The following ERBB4 variants were observed in gnomAD, a reference collection of about 807,000 sequenced individuals.
ERBB4 encodes receptor tyrosine-protein kinase erbB-4.
A neutral mutation model predicts 158.0 loss-of-function variants in ERBB4; 42 were observed. That is an observed-to-expected ratio of 0.27 (90% confidence interval 0.21 to 0.34). ERBB4 has a LOEUF of 0.34. Ranked by LOEUF, ERBB4 falls within the 10% of genes least tolerant of loss-of-function variation. ERBB4 has a pLI of 1.00. For missense variants in ERBB4, 1,333 were observed against 1,624.1 expected (o/e 0.82, Z 3.08); for synonymous variants, 583 against 558.7 (o/e 1.04, Z -0.61).
intron 17 of ERBB4, among the ~76,000 whole-genome samples, chr2:211,625,230 CA>C (rs2069796599): frequency 6.6e-6 from 1 of 152,098 alleles, no homozygotes; most frequent in Non-Finnish European, 1.5e-5. Context: ...CTAAACTTTA[CA>C]AATAGTCTCT....
At chr2:212,327,671 C>T (rs1051014661) in intron 1 of ERBB4, among the ~76,000 whole-genome samples, 3 of 149,622 alleles carry the variant, frequency 2.0e-5, no homozygotes, top group Non-Finnish European at 4.4e-5. Flanking sequence ...CACAAGGGAT[C>T]TGTTTTGGGA....
chr2:211,591,497 T>C (rs958903661), intron 19 of ERBB4, among the ~76,000 whole-genome samples: 2 of 152,238 alleles, frequency 1.3e-5, no homozygotes, highest in East Asian at 3.9e-4. Context: ...AGTCACTTGA[T>C]CATTGACAGA....
chr2:211,435,254 G>A (rs6727581), intron 20 of ERBB4, among the ~76,000 whole-genome samples: 140,466 of 152,238 alleles, frequency 0.92, 64,861 homozygotes, highest in Middle Eastern at 0.96. Context: ...AGCAGTTCCC[G>A]TATCCACGTC....
At chr2:212,467,372 T>C (rs1688891849) in intron 1 of ERBB4, among the ~76,000 whole-genome samples, 1 of 152,178 alleles carries the variant, frequency 6.6e-6, no homozygotes, top group Admixed American at 6.5e-5. Flanking sequence ...AGTGGTTTCA[T>C]GGGCCAGGCC....
chr2:212,429,649 G>A (rs1484552105), intron 1 of ERBB4, among the ~76,000 whole-genome samples: 1 of 151,604 alleles, frequency 6.6e-6, no homozygotes, highest in African/African-American at 2.4e-5. Flanking sequence ...ATTCTTTTTT[G>A]ACAAAATAAG....
chr2:212,115,035 A>T (rs1456781022), intron 2 of ERBB4, among the ~76,000 whole-genome samples: 1 of 152,176 alleles, frequency 6.6e-6, no homozygotes, highest in East Asian at 1.9e-4. Context: ...TTACTTTAAC[A>T]TTCAATTACA....
At chr2:211,828,379 T>C (rs959815739) in intron 3 of ERBB4, among the ~76,000 whole-genome samples, 23 of 152,080 alleles carry the variant, frequency 1.5e-4, no homozygotes, top group African/African-American at 4.6e-4. Flanking sequence ...ATAAGGAAAG[T>C]AGAACAAGCT....
intron 2 of ERBB4, among the ~76,000 whole-genome samples, chr2:212,046,809 A>G (rs1416070999): frequency 6.6e-6 from 1 of 152,172 alleles, no homozygotes. Flanking sequence ...GCTGGTTGTC[A>G]TGGTAAGCTG....
intron 19 of ERBB4, among the ~76,000 whole-genome samples, chr2:211,617,903 T>C (rs1372008513): frequency 6.6e-6 from 1 of 152,066 alleles, no homozygotes; most frequent in African/African-American, 2.4e-5. Context: ...AGAACATATA[T>C]GGTCTTTGAT....
At chr2:212,224,401 C>T (rs1028262728) in intron 1 of ERBB4, among the ~76,000 whole-genome samples, 4 of 151,714 alleles carry the variant, frequency 2.6e-5, no homozygotes, top group Non-Finnish European at 5.9e-5. Context: ...ATGAAAAAAG[C>T]TATATTATAT....
intron 1 of ERBB4, among the ~76,000 whole-genome samples, chr2:212,533,488 G>A (rs1043947854): frequency 1.3e-5 from 2 of 152,172 alleles, no homozygotes; most frequent in East Asian, 3.8e-4. Context: ...TTTAAACAAT[G>A]TGACTACGTC....
intron 1 of ERBB4, among the ~76,000 whole-genome samples, chr2:212,451,445 G>A (rs78247957): frequency 0.021 from 3,136 of 152,212 alleles, 38 homozygotes; most frequent in South Asian, 0.038. Flanking sequence ...TTTGACCTAT[G>A]TAAGGGCCTC....
chr2:212,413,777 TAC>T (rs917094655), intron 1 of ERBB4, among the ~76,000 whole-genome samples: 4 of 152,184 alleles, frequency 2.6e-5, no homozygotes, highest in African/African-American at 9.7e-5. Flanking sequence ...ATATGACATG[TAC>T]ACACACATGT....
At chr2:211,703,951 G>A (rs1312460863) in intron 11 of ERBB4, among the ~76,000 whole-genome samples, 153 bp downstream of exon 11, 1 of 152,082 alleles carries the variant, frequency 6.6e-6, no homozygotes, top group East Asian at 1.9e-4. Context: ...CATCATCGGA[G>A]GTATTTTTAT....
chr2:212,270,811 A>C (rs560919245), intron 1 of ERBB4, among the ~76,000 whole-genome samples: 51 of 151,764 alleles, frequency 3.4e-4, no homozygotes, highest in African/African-American at 1.2e-3. Context: ...ATTGAGAGGG[A>C]GCTATTGGGA....
intron 23 of ERBB4, among the ~76,000 whole-genome samples, chr2:211,422,429 C>T (rs555897605): frequency 6.4e-5 from 9 of 141,594 alleles, no homozygotes; most frequent in African/African-American, 2.4e-4. Context: ...CTTACACTGG[C>T]ACAAACGGGA....
intron 1 of ERBB4, among the ~76,000 whole-genome samples, chr2:212,170,020 A>G (rs1185407497): frequency 6.6e-6 from 1 of 152,186 alleles, no homozygotes; most frequent in Non-Finnish European, 1.5e-5. Flanking sequence ...AGGTACTGCT[A>G]TAAAGATACC....
intron 3 of ERBB4, among the ~76,000 whole-genome samples, chr2:211,880,026 A>C (rs1449044800): frequency 6.6e-6 from 1 of 151,206 alleles, no homozygotes; most frequent in Non-Finnish European, 1.5e-5. Flanking sequence ...ATTATTTAAC[A>C]TATAGTCTCA....
intron 3 of ERBB4, among the ~76,000 whole-genome samples, chr2:211,792,673 ACCTCACATTGT>A (rs2076301455): frequency 6.6e-6 from 1 of 151,818 alleles, no homozygotes; most frequent in Non-Finnish European, 1.5e-5. Context: ...CTGTAAGTCT[ACCTCACATTGT>A]CCTTACATTT....
Sources: allele counts gnomAD v4.1 joint callset (sites outside exome capture counted in the v4.1 genomes callset), GRCh38; gene constraint gnomAD v4.1.1; transcripts MANE v1.5; gene names NCBI Gene and HGNC (gene_info 2026-07-23, HGNC 2026-07-21).